Variants in MECOM observed in about 807,000 individuals in gnomAD.
The protein encoded by MECOM is MDS1 and EVI1 complex locus.
Under a neutral mutation model 116.3 loss-of-function variants are expected in MECOM, and 13 were observed. That is an observed-to-expected ratio of 0.11 (90% CI 0.07 to 0.18). The LOEUF (loss-of-function observed/expected upper bound fraction) is 0.18. MECOM is among the 10% of genes least tolerant of loss of function. The pLI is 1.00. For missense variants in MECOM, 1,299 were observed against 1,509.0 expected (o/e 0.86, Z 2.31); for synonymous variants, 528 against 535.2 (o/e 0.99, Z 0.19).
chr3:169,339,102 C>T (rs368657549), intron 2 of MECOM, among the ~76,000 whole-genome samples: 1 of 152,060 alleles, frequency 6.6e-6, no homozygotes, highest in East Asian at 1.9e-4. Context: ...TAATGTAGGT[C>T]GTTAGCATCT....
chr3:169,279,175 C>A (rs1759975147), intron 2 of MECOM, among the ~76,000 whole-genome samples: 1 of 152,216 alleles, frequency 6.6e-6, no homozygotes, highest in South Asian at 2.1e-4. Context: ...CTCCTCCTCA[C>A]ATCAACCACC....
intron 2 of MECOM, among the ~76,000 whole-genome samples, chr3:169,183,903 T>C (rs969211512): frequency 6.6e-5 from 10 of 151,526 alleles, no homozygotes; most frequent in Admixed American, 2.6e-4. Flanking sequence ...CTCCCTCTGT[T>C]GCCCAGGCTG....
chr3:169,517,785 G>T (rs372647306), intron 1 of MECOM, among the ~76,000 whole-genome samples: 135 of 152,228 alleles, frequency 8.9e-4, no homozygotes, highest in African/African-American at 3.0e-3. Context: ...CAGGAACTGT[G>T]GTAGGTACTA....
chr3:169,284,523 C>T (rs1195154462), intron 2 of MECOM, among the ~76,000 whole-genome samples: 1 of 151,826 alleles, frequency 6.6e-6, no homozygotes, highest in Non-Finnish European at 1.5e-5. Context: ...TCAAATAGGC[C>T]CTGAATCTCC....
intron 2 of MECOM, among the ~76,000 whole-genome samples, chr3:169,338,118 G>A (rs1250016101): frequency 6.6e-6 from 1 of 152,108 alleles, no homozygotes; most frequent in Non-Finnish European, 1.5e-5. Flanking sequence ...TGAACTACTT[G>A]ATCATCTACA....
intron 1 of MECOM, among the ~76,000 whole-genome samples, chr3:169,421,748 G>A (rs1433738359): frequency 6.6e-6 from 1 of 151,594 alleles, no homozygotes; most frequent in African/African-American, 2.4e-5. Flanking sequence ...TCTGCATTAC[G>A]ATTGGAAGAT....
intron 2 of MECOM, chr3:169,147,767 A>T (rs77020039): frequency 0.11 from 87,339 of 811,438 alleles, 4,221 homozygotes; most frequent in African/African-American, 0.19. Context: ...TGTGTGTGTG[A>T]GAGAGAGAGA....
chr3:169,568,890 C>A (rs530029072), intron 1 of MECOM, among the ~76,000 whole-genome samples: 28 of 152,276 alleles, frequency 1.8e-4, no homozygotes, highest in Admixed American at 2.0e-4. Context: ...GAAAAACATA[C>A]CAAATTGTAA....
At chr3:169,342,502 A>AT (rs1256853231) in intron 2 of MECOM, among the ~76,000 whole-genome samples, 1 of 152,152 alleles carries the variant, frequency 6.6e-6, no homozygotes, top group African/African-American at 2.4e-5. Flanking sequence ...TATTTATAAA[A>AT]TTTTTACCTG....
chr3:169,228,637 T>G (rs1268028921), intron 2 of MECOM, among the ~76,000 whole-genome samples: 3 of 152,166 alleles, frequency 2.0e-5, no homozygotes, highest in Admixed American at 6.5e-5. Context: ...ACAATTAACC[T>G]CAAAGGCATT....
intron 1 of MECOM, among the ~76,000 whole-genome samples, chr3:169,459,655 T>A (rs546098691): frequency 1.3e-5 from 2 of 152,336 alleles, no homozygotes; most frequent in East Asian, 3.9e-4. Flanking sequence ...AACAAAATCA[T>A]CAGGCTTGTA....
chr3:169,228,614 CATTAATGACATTACA>C (rs1417121134), intron 2 of MECOM, among the ~76,000 whole-genome samples: 2 of 152,176 alleles, frequency 1.3e-5, no homozygotes, highest in African/African-American at 4.8e-5. Flanking sequence ...TATAACATCA[CATTAATGACATTACA>C]ATTAACCTCA....
At chr3:169,485,933 G>C (rs1164257281) in intron 1 of MECOM, among the ~76,000 whole-genome samples, 50,343 of 99,730 alleles carry the variant, frequency 0.5, 12,540 homozygotes, top group East Asian at 0.61. Flanking sequence ...AGTATATATA[G>C]TATATATGTA....
intron 1 of MECOM, among the ~76,000 whole-genome samples, chr3:169,562,125 GACAGAGCAAT>G (rs1406962397): frequency 1.2e-5 from 1 of 81,950 alleles, no homozygotes; most frequent in Non-Finnish European, 2.2e-5. Flanking sequence ...CAGCCTGGGT[GACAGAGCAAT>G]ACTCAAAAAA....
intron 2 of MECOM, among the ~76,000 whole-genome samples, chr3:169,286,392 A>T (rs982368668): frequency 6.6e-6 from 1 of 152,154 alleles, no homozygotes; most frequent in Non-Finnish European, 1.5e-5. Flanking sequence ...TTCCACTCTG[A>T]AATGCAAAAC....
At chr3:169,332,996 C>A (rs1441378200) in intron 2 of MECOM, among the ~76,000 whole-genome samples, 1 of 151,994 alleles carries the variant, frequency 6.6e-6, no homozygotes, top group Non-Finnish European at 1.5e-5. Flanking sequence ...TACTTTTTAA[C>A]AAAAGAAAGT....
intron 2 of MECOM, among the ~76,000 whole-genome samples, chr3:169,328,487 A>G (rs973175772): frequency 1.3e-5 from 2 of 152,200 alleles, no homozygotes; most frequent in African/African-American, 4.8e-5. Context: ...TAACTGAACT[A>G]AATTATTCTG....
Position 169,180,794 on chromosome 3 carries a change from GATATAT to G in MECOM, c.376-36968_376-36963del, listed in dbSNP as rs10576266. 1.3e-4 allele frequency among the ~76,000 whole-genome samples: 14 copies of G among 108,770 alleles called. 1 individual carries two copies. The East Asian group carries it at 1.3e-3, about 10-fold the overall frequency. The allele number at this position is 108,770 out of a possible 152,430, so 71.4% of individuals were successfully genotyped here. ...TATGTATGTGTGTGTGTGTGGAGAT[GATATAT>G]ATATATATATATATCAGGCTGTGTG... On this transcript the variant is annotated intron_variant, in intron 2 of 16. Coordinates refer to ENST00000651503, the MANE Select transcript of MECOM (RefSeq NM_004991.4).
At chr3:169,629,705 C>T (rs767348788) in intron 1 of MECOM, among the ~76,000 whole-genome samples, 4 of 152,174 alleles carry the variant, frequency 2.6e-5, no homozygotes, top group Non-Finnish European at 5.9e-5. Flanking sequence ...AGATTCCAAG[C>T]TCACTGCCTC....
Sources: gnomAD v4.1 joint callset for allele counts (sites outside exome capture counted in the v4.1 genomes callset) on GRCh38, gnomAD v4.1.1 for gene constraint, MANE v1.5 for transcripts, NCBI Gene and HGNC (gene_info 2026-07-23, HGNC 2026-07-21) for gene names.